TJP1: variants seen among roughly 807,000 people sequenced by gnomAD.
TJP1 encodes tight junction protein 1, also known as tight junction protein ZO-1.
Under a neutral mutation model 194.2 loss-of-function variants are expected in TJP1, and 43 were observed. The ratio of observed to expected loss-of-function variants is 0.22; its 90% confidence interval spans 0.17 to 0.29. TJP1 has a LOEUF of 0.29. Ranked by LOEUF, TJP1 falls within the 10% of genes least tolerant of loss-of-function variation. The pLI is 1.00. For synonymous variants in TJP1, 801 were observed against 779.0 expected (o/e 1.03, Z -0.47); for missense variants, 1,971 against 2,185.7 (o/e 0.90, Z 1.96).
intron 2 of TJP1, among the ~76,000 whole-genome samples, chr15:29,784,773 T>C (rs945881505): frequency 3.3e-5 from 5 of 152,138 alleles, no homozygotes; most frequent in African/African-American, 4.8e-5. Context: ...GTGATAAGCA[T>C]CACATATATA....
intron 2 of TJP1, among the ~76,000 whole-genome samples, chr15:29,850,680 A>G (rs2051608251): frequency 6.6e-6 from 1 of 151,946 alleles, no homozygotes. Flanking sequence ...TATAGCAATA[A>G]ATAAATAAAT....
chr15:29,856,452 G>A (rs1005038521), intron 2 of TJP1, among the ~76,000 whole-genome samples: 1 of 152,184 alleles, frequency 6.6e-6, no homozygotes, highest in Non-Finnish European at 1.5e-5. Context: ...GGGGAAGGGG[G>A]AATGGGGAGT....
chr15:29,884,272 C>T (rs930886588), intron 2 of TJP1, among the ~76,000 whole-genome samples: 1 of 152,140 alleles, frequency 6.6e-6, no homozygotes, highest in African/African-American at 2.4e-5. Flanking sequence ...TTCAACGGTT[C>T]TCAACAGATG....
chr15:29,819,936 T>C (rs8038534), intron 1 of TJP1, among the ~76,000 whole-genome samples: 47 of 152,292 alleles, frequency 3.1e-4, no homozygotes, highest in African/African-American at 1.0e-3. Flanking sequence ...TATACAGTAA[T>C]ATATGTGTAC....
At chr15:29,799,564 G>A (rs1241321345) in intron 2 of TJP1, among the ~76,000 whole-genome samples, 1 of 151,730 alleles carries the variant, frequency 6.6e-6, no homozygotes, top group African/African-American at 2.4e-5. Flanking sequence ...ACAGGCACCC[G>A]CCACCACGCC....
chr15:29,783,300 T>G (rs2047489639), intron 2 of TJP1, among the ~76,000 whole-genome samples: 1 of 151,532 alleles, frequency 6.6e-6, no homozygotes, highest in South Asian at 2.1e-4. Context: ...AACACAAAGA[T>G]ATCATCTCAC....
At chr15:29,795,460 C>T (rs181189327) in intron 2 of TJP1, among the ~76,000 whole-genome samples, 2 of 147,214 alleles carry the variant, frequency 1.4e-5, no homozygotes, top group South Asian at 2.2e-4. Flanking sequence ...CAAAACAAAA[C>T]AAACTGTAAC....
At chr15:29,850,380 G>C (rs2152082100) in intron 2 of TJP1, among the ~76,000 whole-genome samples, 1 of 152,208 alleles carries the variant, frequency 6.6e-6, no homozygotes, top group Non-Finnish European at 1.5e-5. Flanking sequence ...GCCCAGGCTG[G>C]AGTGTAGTGG....
chr15:29,833,879 ATATTTTTTTT>A (rs1333950797), intron 2 of TJP1, among the ~76,000 whole-genome samples: 8 of 13,790 alleles, frequency 5.8e-4, no homozygotes, highest in African/African-American at 2.0e-3. Context: ...ATATATATAT[ATATTTTTTTT>A]TTTTTTTTTT....
At chr15:29,752,315 C>T (rs1056948799) in intron 8 of TJP1, among the ~76,000 whole-genome samples, 3 of 152,150 alleles carry the variant, frequency 2.0e-5, no homozygotes, top group Non-Finnish European at 4.4e-5. Context: ...GTTGGCCAGG[C>T]TGGTCTTGAA....
intron 1 of TJP1, among the ~76,000 whole-genome samples, chr15:29,804,747 G>A (rs1279080803): frequency 6.6e-6 from 1 of 152,084 alleles, no homozygotes; most frequent in African/African-American, 2.4e-5. Context: ...TGCACAAAAA[G>A]CTTCTGGTAA....
chr15:29,824,445 AATCATCATCATC>A (rs34399157), upstream of TJP1, among the ~76,000 whole-genome samples: 44 of 145,910 alleles, frequency 3.0e-4, no homozygotes, highest in South Asian at 9.3e-3. Context: ...CTCCGTCTCA[AATCATCATCATC>A]ATCATCATCA....
At chr15:29,954,283 C>T (rs1697492759) in intron 2 of TJP1, among the ~76,000 whole-genome samples, 1 of 152,124 alleles carries the variant, frequency 6.6e-6, no homozygotes, top group Admixed American at 6.6e-5. Context: ...CTCTGTAAAG[C>T]TTTTTGTCTG....
At chr15:29,784,301 AT>A (rs944354041) in intron 2 of TJP1, among the ~76,000 whole-genome samples, 4 of 149,662 alleles carry the variant, frequency 2.7e-5, no homozygotes, top group South Asian at 2.1e-4. Context: ...CAACTCAAGG[AT>A]TTTTTTTTTC....
At position 29,701,696 on chromosome 15, in the gene TJP1, G is replaced by T; in HGVS notation, c.5213-7C>A. The T allele has an allele frequency of 1.2e-6, 2 of 1,609,280 alleles. No homozygotes were observed. Among genetic ancestry groups the T allele is most frequent in the Non-Finnish European group, 1.7e-6 (2 of 1,175,714 alleles). On this transcript the variant is annotated splice_region_variant and splice_polypyrimidine_tract_variant and intron_variant, in intron 27 of 27. Coordinates refer to ENST00000614355, the MANE Select transcript of TJP1 (RefSeq NM_001330239.4). ...TGCCAGGTTTTAGGATCACCTATGA[G>T]AGAAAAGAAGTTGATGTCATTTACA... is the stretch of plus-strand genomic sequence containing the variant.
At chr15:29,958,291 GTT>G (rs34187703) in intron 1 of TJP1, among the ~76,000 whole-genome samples, 9 of 141,128 alleles carry the variant, frequency 6.4e-5, no homozygotes, top group East Asian at 2.0e-4. Flanking sequence ...TCTCTTTTTA[GTT>G]TTTTTTTTTT....
intron 2 of TJP1, among the ~76,000 whole-genome samples, chr15:29,862,642 CT>C (rs1318876282): frequency 8.2e-6 from 1 of 121,656 alleles, no homozygotes; most frequent in African/African-American, 3.1e-5. Context: ...AGGTTTTTTT[CT>C]TTTCTTTTTT....
chr15:29,728,303 G>T (rs1007022858), intron 15 of TJP1: 2 of 292,748 alleles, frequency 6.8e-6, no homozygotes, highest in Non-Finnish European at 1.3e-5. Context: ...GCTCTAATAT[G>T]GCTCAACAGG....
chr15:29,818,593 C>T (rs1017963878), intron 1 of TJP1, among the ~76,000 whole-genome samples: 2 of 152,010 alleles, frequency 1.3e-5, no homozygotes, highest in African/African-American at 4.8e-5. Flanking sequence ...CAACCTCTGA[C>T]TCCCGGGTTC....
Sources: allele counts gnomAD v4.1 joint callset (sites outside exome capture counted in the v4.1 genomes callset), GRCh38; gene constraint gnomAD v4.1.1; transcripts MANE v1.5; gene names NCBI Gene and HGNC (gene_info 2026-07-23, HGNC 2026-07-21).